The following CEP135 variants were observed in gnomAD, a reference collection of about 807,000 sequenced individuals.
CEP135 encodes the protein centrosomal protein 135.
In CEP135, 142 loss-of-function variants were observed where a neutral mutation model predicts 157.3. The observed-to-expected ratio is 0.90, with a 90% CI of 0.79 to 1.04. The LOEUF (loss-of-function observed/expected upper bound fraction) is 1.04, where lower values mean the gene tolerates loss of function less well. Ranked by LOEUF, CEP135 falls within the 50% of genes least tolerant of loss-of-function variation. The probability of loss-of-function intolerance (pLI) is 0.00; values close to 1 mark genes in which losing one functional copy is unlikely to be tolerated. For missense variants in CEP135, 1,317 were observed against 1,309.2 expected, an observed-to-expected ratio of 1.01 and a Z score of -0.09; for synonymous variants, 396 against 439.8, an observed-to-expected ratio of 0.90 and a Z score of 1.25.
chr4:55,960,239 A>G (rs1313264489), intron 6 of CEP135: 1 of 160,512 alleles, frequency 6.2e-6, no homozygotes, highest in African/African-American at 2.4e-5. Context: ...TACTCTTATT[A>G]TATATTTTGT....
intron 24 of CEP135, among the ~76,000 whole-genome samples, chr4:56,022,393 G>A (rs1466376387): frequency 1.3e-5 from 2 of 152,046 alleles, no homozygotes; most frequent in African/African-American, 4.8e-5. Context: ...TTGGGGGTAG[G>A]GAATAGAGGT....
chr4:56,004,304 T>G (rs1333369862), intron 17 of CEP135, among the ~76,000 whole-genome samples: 1 of 152,260 alleles, frequency 6.6e-6, no homozygotes, highest in Non-Finnish European at 1.5e-5. Context: ...CTTGAATGTG[T>G]TGAAACTTGT....
At chr4:56,022,822 A>G (rs1257898719) in intron 24 of CEP135, among the ~76,000 whole-genome samples, 1 of 152,126 alleles carries the variant, frequency 6.6e-6, no homozygotes, top group African/African-American at 2.4e-5. Flanking sequence ...TAGGCCTGGC[A>G]TGGTGGTTCG....
intron 17 of CEP135, among the ~76,000 whole-genome samples, chr4:56,007,399 T>C (rs1420573937): frequency 6.6e-6 from 1 of 152,168 alleles, no homozygotes; most frequent in African/African-American, 2.4e-5. Context: ...CCCAGCAGTG[T>C]GGAAGGGCTA....
intron 14 of CEP135, among the ~76,000 whole-genome samples, chr4:55,991,689 T>C (rs1474179932): frequency 6.6e-6 from 1 of 152,200 alleles, no homozygotes; most frequent in Non-Finnish European, 1.5e-5. Flanking sequence ...ATTGCTGTTA[T>C]AGATATATTC....
At chr4:55,952,064 A>G in intron 1 of CEP135, 22 bp from the exon 2 acceptor site, 1 of 735,202 alleles carries the variant, frequency 1.4e-6, no homozygotes, top group African/African-American at 1.8e-5. Context: ...TAAGATAATG[A>G]TGTTTCATTC....
At chr4:55,986,166 G>T (rs1487971450) in intron 14 of CEP135, among the ~76,000 whole-genome samples, 1 of 152,158 alleles carries the variant, frequency 6.6e-6, no homozygotes, top group African/African-American at 2.4e-5. Flanking sequence ...TACATATAAA[G>T]AACTTAGAAG....
At position 55,999,350 on chromosome 4, in the gene CEP135, A is replaced by G. The variant is rs1730082380; in HGVS notation, c.2058A>G (p.Arg686=). ...GGTCAGTTGATGACTATCAGCACCG[A>G]CTTTCCATAAAAAGAGGTGAACTTG... The part of the protein sequence containing the change: ...LQRSVDDYQH[R]LSIKRGELES... Residue 686 remains arginine (R), a synonymous_variant, in exon 16 of 26, where the codon CGA becomes CGG. Coordinates refer to ENST00000257287, the MANE Select transcript of CEP135 (RefSeq NM_025009.5). 6.2e-7 allele frequency: 1 copy of G among 1,614,092 alleles called. No homozygotes were observed. The highest frequency in any genetic ancestry group is 8.5e-7 in the Non-Finnish European group (1 of 1,180,030).
chr4:56,012,943 G>C (rs1310772355), intron 21 of CEP135, among the ~76,000 whole-genome samples: 1 of 152,166 alleles, frequency 6.6e-6, no homozygotes, highest in African/African-American at 2.4e-5. Context: ...TGATAATTCT[G>C]TGTTTAATTT....
Position 56,011,421 on chromosome 4 carries a change from T to C in CEP135, c.2515T>C (p.Leu839=). 6.2e-7 allele frequency: 1 copy of C among 1,604,240 alleles called. No individual in the cohort carries two copies. The change falls in exon 20 of 26, where the codon TTG becomes CTG. Residue 839 remains leucine (L), a synonymous_variant. Coordinates refer to ENST00000257287, the MANE Select transcript of CEP135 (RefSeq NM_025009.5). ...ATTTTCTGATTTGTAGGAAATCTCATTGGAATTGGAAGCAGCAGTGCAAGA... is the reference window on the plus strand; with the variant it reads ...ATTTTCTGATTTGTAGGAAATCTCACTGGAATTGGAAGCAGCAGTGCAAGA... The part of the protein sequence containing the change: ...TMARENQEIS[L]ELEAAVQEKE...
intron 3 of CEP135, 91 bp downstream of exon 3, chr4:55,953,366 A>G (rs1476181174): frequency 6.2e-6 from 6 of 969,840 alleles, no homozygotes; most frequent in African/African-American, 5.1e-5. Flanking sequence ...AAAACTATTG[A>G]TTAGAAAATA....
chr4:55,973,741 G>T (rs1165688279), intron 10 of CEP135, among the ~76,000 whole-genome samples: 1 of 151,996 alleles, frequency 6.6e-6, no homozygotes, highest in African/African-American at 2.4e-5. Flanking sequence ...TCAGCGTCTT[G>T]AAAGGTCAGC....
chr4:56,033,048 A>G lies in CEP135; in HGVS notation c.*1700A>G, dbSNP rs1731417378. 6.6e-6 allele frequency: 1 copy of G among 152,182 alleles called. No individual in the cohort carries two copies. The highest frequency in any genetic ancestry group is 2.4e-5 in the African/African-American group (1 of 41,464). The allele number at this position is 152,182 out of a possible 1,614,324, so 9.4% of individuals were successfully genotyped here. A position where few individuals can be genotyped will look rare whatever the true frequency, so the allele number is the denominator to read the frequency against. Reference sequence around the variant, plus strand: ...TATATTATAGCAAAATACAAGAGACATGGGACTGTTTGCAATACCATATGG... The same window carrying G: ...TATATTATAGCAAAATACAAGAGACGTGGGACTGTTTGCAATACCATATGG... On this transcript the variant is annotated 3_prime_UTR_variant, in exon 26 of 26. Transcript: ENST00000257287.
intron 19 of CEP135, among the ~76,000 whole-genome samples, chr4:56,010,666 A>G (rs1437426370): frequency 1.3e-5 from 2 of 152,230 alleles, no homozygotes; most frequent in Non-Finnish European, 2.9e-5. Flanking sequence ...ACCTGTAGAT[A>G]AATGAATGAG....
chr4:55,963,106 C>T (rs1728734785), intron 6 of CEP135, among the ~76,000 whole-genome samples: 1 of 152,138 alleles, frequency 6.6e-6, no homozygotes, highest in Admixed American at 6.6e-5. Flanking sequence ...TTTCTCTTGC[C>T]TTCGCATACC....
chr4:56,005,981 T>C (rs945765616), intron 17 of CEP135, among the ~76,000 whole-genome samples: 1 of 152,198 alleles, frequency 6.6e-6, no homozygotes. Context: ...TTCCTTTATA[T>C]GTTATTTGCT....
At chr4:55,954,866 T>C (rs951308575) in intron 4 of CEP135, among the ~76,000 whole-genome samples, 7 of 152,068 alleles carry the variant, frequency 4.6e-5, no homozygotes, top group African/African-American at 1.2e-4. Context: ...GGGCAGATCA[T>C]TTGAGGCCGC....
chr4:56,002,457 A>G (rs1013800585), intron 17 of CEP135, among the ~76,000 whole-genome samples: 1 of 152,078 alleles, frequency 6.6e-6, no homozygotes, highest in African/African-American at 2.4e-5. Context: ...GTTGCAACTT[A>G]TTGAATGCTT....
chr4:55,961,428 T>C (rs1041540060), intron 6 of CEP135, among the ~76,000 whole-genome samples: 1 of 152,110 alleles, frequency 6.6e-6, no homozygotes, highest in African/African-American at 2.4e-5. Flanking sequence ...TCAGCACATA[T>C]TCCAGATTTT....
Sources: allele counts gnomAD v4.1 joint callset (sites outside exome capture counted in the v4.1 genomes callset), GRCh38; gene constraint gnomAD v4.1.1; transcripts MANE v1.5; gene names NCBI Gene and HGNC (gene_info 2026-07-23, HGNC 2026-07-21).